MED23: variants seen among roughly 807,000 people sequenced by gnomAD.
MED23 encodes mediator of RNA polymerase II transcription subunit 23.
In MED23, 105 loss-of-function variants were observed where a neutral mutation model predicts 163.9. The ratio of observed to expected loss-of-function variants is 0.64; its 90% CI spans 0.55 to 0.75. MED23 has a LOEUF of 0.75. Ranked by LOEUF, MED23 falls within the 30% of genes least tolerant of loss-of-function variation. MED23 has a pLI of 0.00. For synonymous variants in MED23, 561 were observed against 565.6 expected (o/e 0.99, Z 0.12); for missense variants, 1,054 against 1,649.0 (o/e 0.64, Z 6.25).
chr6:131,627,683 A>AAC lies in MED23; in HGVS notation c.40-12_40-11insGT, dbSNP rs755503623. ...TATAACTTCCGTTTTCTGTAAAAAAAAAAAAAACAAAATGTAAACAATGTT... is the reference window on the plus strand; with the variant it reads ...TATAACTTCCGTTTTCTGTAAAAAAAACAAAAAAACAAAATGTAAACAATGTT... On this transcript the variant is annotated splice_polypyrimidine_tract_variant and intron_variant, in intron 1 of 28. Coordinates refer to ENST00000368068, the MANE Select transcript of MED23 (RefSeq NM_004830.4). The AAC allele has an allele frequency of 8.7e-6, 14 of 1,602,004 alleles. No individual in the cohort carries two copies. The highest frequency in any genetic ancestry group is 2.3e-5 in the South Asian group (2 of 88,048).
chr6:131,625,014 C>A (rs759971303), intron 3 of MED23, 25 bp from the exon 4 acceptor site: 3 of 1,611,936 alleles, frequency 1.9e-6, no homozygotes, highest in Admixed American at 3.3e-5. Context: ...AATGATTTTA[C>A]TTGGGGTCTA....
At chr6:131,610,024 G>C (rs763310726) in intron 11 of MED23, 22 bp downstream of exon 11, 1 of 1,605,456 alleles carries the variant, frequency 6.2e-7, no homozygotes, top group Non-Finnish European at 8.5e-7. Context: ...AAGTCACTCC[G>C]ACCATAAGAT....
Position 131,627,996 on chromosome 6 carries a change from G to C in MED23, c.39+15C>G, listed in dbSNP as rs774475615. 5 of 1,613,760 alleles carry C rather than the reference G, an allele frequency of 3.1e-6. No individual in the cohort carries two copies. Among genetic ancestry groups the C allele is most frequent in the Non-Finnish European group, 4.2e-6 (5 of 1,180,028 alleles). On this transcript the variant is annotated intron_variant, in intron 1 of 28. Transcript: ENST00000368068. ...CCCCAAGCCGTAGTCCTGGATGGCCGGCAGCTGCACTCACCACCACCTCTT... is the reference window on the plus strand; with the variant it reads ...CCCCAAGCCGTAGTCCTGGATGGCCCGCAGCTGCACTCACCACCACCTCTT...
At chr6:131,583,538 A>AAT, downstream of MED23, 1 of 1,578,904 alleles carries the variant, frequency 6.3e-7, no homozygotes, top group South Asian at 1.1e-5. Flanking sequence ...ACACTTGACT[A>AAT]ATATATATTT....
In MED23 at chr6:131,620,716, A is replaced by T. The variant is rs774740647; in HGVS notation, c.509T>A (p.Ile170Asn). Residue 170 changes from isoleucine (I) to asparagine (N), a missense_variant, in exon 7 of 29, where the codon ATC (isoleucine) becomes AAC (asparagine). This residue lies in a region of MED23 where 227 missense variants were observed against 235.5 expected (regional missense o/e 0.96). Transcript: ENST00000368068. ...LLAAREVIAYILERNACLLPA... is the reference protein window; with the variant it reads ...LLAAREVIAYNLERNACLLPA... Reference sequence around the variant, plus strand: ...TAATAAGCAGGCATTTCTTTCCAAGATATATGCTATAACCTAAGAAAAACA... The same window carrying T: ...TAATAAGCAGGCATTTCTTTCCAAGTTATATGCTATAACCTAAGAAAAACA... The T allele has an allele frequency of 1.2e-6, 2 of 1,610,334 alleles. No homozygotes were observed. Among genetic ancestry groups the T allele is most frequent in the South Asian group, 2.2e-5 (2 of 90,996 alleles).
intron 20 of MED23, among the ~76,000 whole-genome samples, chr6:131,597,097 G>A (rs950183755): frequency 2.0e-5 from 3 of 151,990 alleles, no homozygotes; most frequent in Non-Finnish European, 2.9e-5. Context: ...AGGGGTTAAC[G>A]TTAAACTATG....
Position 131,579,277 on chromosome 6 carries a change from A to C in MED23, c.4096-4982T>G, listed in dbSNP as rs2114531110. The C allele has an allele frequency of 6.2e-7, 1 of 1,614,086 alleles. No individual in the cohort carries two copies. Among genetic ancestry groups the C allele is most frequent in the South Asian group, 1.1e-5 (1 of 91,072 alleles). ...GAAGAATCAGCCTGGTGCTGGGCGG[A>C]GACCACAGGTCTTGTTGAATAACTG... On this transcript the variant is annotated intron_variant, in intron 30 of 30. Transcript: ENST00000354577.
chr6:131,588,973 T>C (rs1774381782), intron 28 of MED23, among the ~76,000 whole-genome samples: 1 of 152,194 alleles, frequency 6.6e-6, no homozygotes, highest in Non-Finnish European at 1.5e-5. Context: ...AGGACTTTTT[T>C]CTTCAGGATA....
At position 131,628,201 on chromosome 6, in the gene MED23, C is replaced by G; in HGVS notation, c.-152G>C. Reference sequence around the variant, plus strand: ...CCCCCAGCGCTTTACCTGGAGCGTTCCCTCCCGAGCCCAGCCAACAGCAGG... The same window carrying G: ...CCCCCAGCGCTTTACCTGGAGCGTTGCCTCCCGAGCCCAGCCAACAGCAGG... On this transcript the variant is annotated 5_prime_UTR_variant, in exon 1 of 29. Coordinates refer to ENST00000368068, the MANE Select transcript of MED23 (RefSeq NM_004830.4). 1.2e-6 allele frequency: 1 copy of G among 834,880 alleles called. No homozygotes were observed. Among genetic ancestry groups the G allele is most frequent in the East Asian group, 2.6e-5 (1 of 38,648 alleles). 51.7% of individuals were successfully genotyped at this position (834,880 alleles called of 1,614,324 possible).
chr6:131,604,770 A>G (rs1444220302), intron 14 of MED23, among the ~76,000 whole-genome samples: 2 of 152,218 alleles, frequency 1.3e-5, no homozygotes, highest in African/African-American at 4.8e-5. Context: ...CACAATGGTT[A>G]CCATTTGAAA....
chr6:131,624,561 G>A (rs1777345005), intron 4 of MED23, among the ~76,000 whole-genome samples: 1 of 152,142 alleles, frequency 6.6e-6, no homozygotes, highest in Non-Finnish European at 1.5e-5. Flanking sequence ...TTTAAAACCT[G>A]AGTATTACTG....
chr6:131,588,817 A>G (rs979170036), intron 28 of MED23, among the ~76,000 whole-genome samples: 6 of 152,162 alleles, frequency 3.9e-5, no homozygotes, highest in African/African-American at 1.4e-4. Flanking sequence ...CATCCCCATT[A>G]GGAAGTTCCT....
At chr6:131,626,087 ACT>A (rs1487012068) in intron 3 of MED23, among the ~76,000 whole-genome samples, 8 of 145,250 alleles carry the variant, frequency 5.5e-5, no homozygotes, top group African/African-American at 1.8e-4. Flanking sequence ...ACGCCACTGC[ACT>A]CTAGCCTGGG....
At chr6:131,604,072 A>G in intron 15 of MED23, 106 bp downstream of exon 15, 1 of 1,105,900 alleles carries the variant, frequency 9.0e-7, no homozygotes, top group South Asian at 1.3e-5. Flanking sequence ...CATAAGCTCC[A>G]TCATGGTGGT....
At chr6:131,597,809 G>C (rs1012573660) in intron 20 of MED23, among the ~76,000 whole-genome samples, 1 of 152,154 alleles carries the variant, frequency 6.6e-6, no homozygotes, top group Non-Finnish European at 1.5e-5. Flanking sequence ...ATTGGGGCTG[G>C]AAGCAGTAGC....
rs1775269498 is a variant in MED23 at position 131,598,956 on chromosome 6, T to C, written c.2221-195A>G. The stretch of plus-strand genomic sequence containing the variant: ...GACTAGATTATCTCCAAGATTCCTT[T>C]TCCTAGATTTCCTAAATGGAAATTC... On this transcript the variant is annotated intron_variant, in intron 18 of 28. Coordinates refer to ENST00000368068, the MANE Select transcript of MED23 (RefSeq NM_004830.4). The surrounding 1 kb of genome is among the most constrained non-coding windows in gnomAD (Gnocchi z 4.7). 6.6e-6 allele frequency among the ~76,000 whole-genome samples: 1 copy of C among 152,214 alleles called. No individual in the cohort carries two copies. The highest frequency in any genetic ancestry group is 2.4e-5 in the African/African-American group (1 of 41,458).
chr6:131,628,259 G>C (rs974479087), upstream of MED23: 4 of 593,014 alleles, frequency 6.7e-6, no homozygotes, highest in Middle Eastern at 4.5e-4. Flanking sequence ...GGCCCGGTAC[G>C]CGCCGTTTGC....
chr6:131,595,912 G>A (rs759604435), intron 22 of MED23, 35 bp downstream of exon 22: 9 of 1,479,458 alleles, frequency 6.1e-6, no homozygotes, highest in South Asian at 2.3e-5. Flanking sequence ...TGATAATGGA[G>A]GTATTAGACG....
rs768486338 is a variant in MED23, at chr6:131,587,665, A to G, written c.*14T>C. On this transcript the variant is annotated 3_prime_UTR_variant, in exon 29 of 29. Coordinates refer to ENST00000368068, the MANE Select transcript of MED23 (RefSeq NM_004830.4). ...ACGGATATATTTCTACTTTCTCCAC[A>G]GTACAGTCTGGCTTCACTGAGTTAC... 3.1e-6 allele frequency: 5 copies of G among 1,613,932 alleles called. No individual in the cohort carries two copies. The African/African-American group carries it at 6.7e-5, about 22-fold the overall frequency.
Sources: gnomAD v4.1 joint callset for allele counts (sites outside exome capture counted in the v4.1 genomes callset) on GRCh38, gnomAD v4.1.1 for gene constraint, gnomAD v4.1.1 regional missense constraint, Gnocchi (gnomAD v3.1) non-coding constraint, MANE v1.5 for transcripts, NCBI Gene and HGNC (gene_info 2026-07-23, HGNC 2026-07-21) for gene names.